Variants in IQSEC1 observed in about 807,000 individuals in gnomAD.
IQSEC1 encodes IQ motif and Sec7 domain ArfGEF 1.
A neutral mutation model predicts 91.0 loss-of-function variants in IQSEC1; 31 were observed. The observed-to-expected ratio is 0.34, with a 90% CI of 0.26 to 0.46. The LOEUF is 0.46. Ranked by LOEUF, IQSEC1 falls within the 20% of genes least tolerant of loss-of-function variation. The probability of loss-of-function intolerance (pLI) is 1.00; values close to 1 mark genes in which losing one functional copy is unlikely to be tolerated. For missense variants in IQSEC1, 1,388 were observed against 1,575.6 expected, an observed-to-expected ratio of 0.88 and a Z score of 2.02; for synonymous variants, 699 against 662.6, an observed-to-expected ratio of 1.05 and a Z score of -0.84.
At chr3:13,070,846 G>C (rs921520234) in intron 1 of IQSEC1, among the ~76,000 whole-genome samples, 1 of 152,212 alleles carries the variant, frequency 6.6e-6, no homozygotes, top group Non-Finnish European at 1.5e-5. Flanking sequence ...AAGGCTAGAC[G>C]AGCTTATTCC....
chr3:13,201,465 G>A (rs1260075184), intron 1 of IQSEC1, among the ~76,000 whole-genome samples: 4 of 152,164 alleles, frequency 2.6e-5, no homozygotes, highest in Admixed American at 2.6e-4. Context: ...TGACTAGCTG[G>A]AACTATAGTT....
intron 1 of IQSEC1, among the ~76,000 whole-genome samples, chr3:13,250,267 G>A (rs1356930238): frequency 6.6e-6 from 1 of 152,176 alleles, no homozygotes; most frequent in African/African-American, 2.4e-5. Context: ...CGAGATAGCT[G>A]AGGCTCAGCG....
chr3:13,278,078 C>T lies in IQSEC1; in HGVS notation c.272+4633G>A, dbSNP rs149173316. 4.7e-3 allele frequency among the ~76,000 whole-genome samples: 723 copies of T among 152,304 alleles called. 4 individuals carry two copies. Among genetic ancestry groups the T allele is most frequent in the African/African-American group, 0.016 (672 of 41,544 alleles). On this transcript the variant is annotated intron_variant, in intron 1 of 15. Coordinates refer to the IQSEC1 transcript ENST00000648114. Reference sequence around the variant, plus strand: ...GCCGTACGGTTAATGTCACCATGAACCCGGCAAGAATACTGGTTTGGTAAA... The same window carrying T: ...GCCGTACGGTTAATGTCACCATGAATCCGGCAAGAATACTGGTTTGGTAAA...
intron 1 of IQSEC1, among the ~76,000 whole-genome samples, chr3:13,016,395 C>T (rs370673966): frequency 3.3e-5 from 5 of 152,266 alleles, no homozygotes; most frequent in African/African-American, 7.2e-5. Context: ...CTGCCCCCAA[C>T]GCCCCACCAC....
At chr3:12,978,715 AT>A (rs201190915) in intron 1 of IQSEC1, among the ~76,000 whole-genome samples, 13,787 of 145,740 alleles carry the variant, frequency 0.095, 1,806 homozygotes, top group African/African-American at 0.3. Flanking sequence ...AAAAAAAAAA[AT>A]AAATAAATAA....
Position 12,901,454 on chromosome 3 carries a change from T to G in IQSEC1, c.2874A>C (p.Pro958=). 1.3e-6 allele frequency: 2 copies of G among 1,549,204 alleles called. No individual in the cohort carries two copies. The highest frequency in any genetic ancestry group is 1.7e-6 in the Non-Finnish European group (2 of 1,146,828). Residue 958 remains proline, a synonymous_variant, in exon 14 of 14, where the codon CCA becomes CCC. Coordinates refer to ENST00000613206, the MANE Select transcript of IQSEC1 (RefSeq NM_001134382.3). The part of the protein sequence containing the change: ...ATSTRECPSR[P]HQTMPNSSSL... The stretch of plus-strand genomic sequence containing the variant: ...AAGATGAGTTGGGCATAGTCTGGTG[T>G]GGGCGAGATGGACACTCTCGTGTTG...
intron 1 of IQSEC1, among the ~76,000 whole-genome samples, chr3:12,950,488 A>G (rs1296545071): frequency 6.6e-6 from 1 of 152,104 alleles, no homozygotes; most frequent in Non-Finnish European, 1.5e-5. Flanking sequence ...GAAACGTAGC[A>G]AGACCCTGTC....
chr3:12,977,657 A>G (rs1258237965), intron 1 of IQSEC1, among the ~76,000 whole-genome samples: 3 of 152,234 alleles, frequency 2.0e-5, no homozygotes, highest in Admixed American at 2.0e-4. Context: ...ACAGCTACCA[A>G]GGGAATGCAG....
intron 2 of IQSEC1, among the ~76,000 whole-genome samples, chr3:12,939,261 C>CCTCA (rs943861278): frequency 6.6e-6 from 1 of 152,228 alleles, no homozygotes; most frequent in African/African-American, 2.4e-5. Flanking sequence ...CCCATCCGGC[C>CCTCA]CTCACTTGTC....
intron 6 of IQSEC1, among the ~76,000 whole-genome samples, chr3:12,920,122 C>T (rs1171242777): frequency 6.6e-6 from 1 of 152,214 alleles, no homozygotes; most frequent in Non-Finnish European, 1.5e-5. Context: ...GGTAAAGACA[C>T]AAAGAAAAAG....
chr3:13,154,454 T>TACACACATAC (rs1559265503), intron 2 of IQSEC1, among the ~76,000 whole-genome samples: 614 of 52,724 alleles, frequency 0.012, 136 homozygotes, highest in African/African-American at 0.049. Context: ...TATATATATA[T>TACACACATAC]ATATATATAT....
rs1198348327 is a variant in IQSEC1, at chr3:12,991,957, G to A, written c.24-50092C>T. 2.6e-5 allele frequency among the ~76,000 whole-genome samples: 4 copies of A among 152,146 alleles called. No individual in the cohort carries two copies. The East Asian group carries it at 7.7e-4, about 29-fold the overall frequency. On this transcript the variant is annotated intron_variant, in intron 1 of 13. Transcript: ENST00000613206. Reference sequence around the variant, plus strand: ...GGGCCCTTTAAGCAGCCTTGAAAGAGAGTGGCAACTCCAGTCATGAGACCC... The same window carrying A: ...GGGCCCTTTAAGCAGCCTTGAAAGAAAGTGGCAACTCCAGTCATGAGACCC...
intron 1 of IQSEC1, among the ~76,000 whole-genome samples, chr3:13,172,350 CAA>C (rs2125002636): frequency 6.6e-6 from 1 of 152,168 alleles, no homozygotes; most frequent in African/African-American, 2.4e-5. Flanking sequence ...TTGAATGAAG[CAA>C]AGAGGTGAGA....
chr3:13,214,392 C>A lies in IQSEC1; in HGVS notation c.273-50259G>T, dbSNP rs1042524341. On this transcript the variant is annotated intron_variant, in intron 1 of 15. Transcript: ENST00000648114. This position sits in a 1 kb window ranked among gnomAD's most constrained non-coding sequence, Gnocchi z 4.5. ...CACCCCGTCCCACAGCCAGCACAGG[C>A]AGGCACACGGCAGGGCTGCAGCAAG... Among the ~76,000 whole-genome samples the A allele has an allele frequency of 2.6e-5, 4 of 152,284 alleles. No homozygotes were observed. The highest frequency in any genetic ancestry group is 7.2e-5 in the African/African-American group (3 of 41,482).
chr3:12,916,447 G>C (rs535699327), intron 6 of IQSEC1, among the ~76,000 whole-genome samples: 1 of 152,362 alleles, frequency 6.6e-6, no homozygotes, highest in East Asian at 1.9e-4. Context: ...TGTGAGCAGA[G>C]AAACAGCCTT....
Position 12,984,715 on chromosome 3 carries a change from A to T in IQSEC1, c.24-42850T>A, listed in dbSNP as rs528869330. Among the ~76,000 whole-genome samples, 30 of 152,126 alleles carry T rather than the reference A, an allele frequency of 2.0e-4. No homozygotes were observed. In the South Asian group the frequency reaches 6.0e-3, roughly 31 times the overall value. ...ACATGGACAAAGATAAGTCGCTTAC[A>T]GGTCCAGAAGTCACAAGATCAAGAG... On this transcript the variant is annotated intron_variant, in intron 1 of 13. Coordinates refer to ENST00000613206, the MANE Select transcript of IQSEC1 (RefSeq NM_001134382.3).
Position 13,015,490 on chromosome 3 carries a change from C to T in IQSEC1, c.23+57502G>A, listed in dbSNP as rs893857167. On this transcript the variant is annotated intron_variant, in intron 1 of 13. Coordinates refer to ENST00000613206, the MANE Select transcript of IQSEC1 (RefSeq NM_001134382.3). ...ACGACAGCCCCCAAGACCCTCACCA[C>T]GGCAGGCTGCCCTGACAGTCGCCAG... is the stretch of plus-strand genomic sequence containing the variant. The T allele has an allele frequency of 5.7e-6, 5 of 875,696 alleles. No individual in the cohort carries two copies. In the East Asian group the frequency reaches 3.6e-4, roughly 63 times the overall value. The allele number at this position is 875,696 out of a possible 1,614,324, so 54.2% of individuals were successfully genotyped here.
In IQSEC1 at chr3:12,950,683, C is replaced by T. The variant is rs1351294152; in HGVS notation, c.24-8818G>A. The stretch of plus-strand genomic sequence containing the variant: ...TTTGATACGGAGTCTCACTCTGTTG[C>T]CCAGGCTGGAGTGCAGTGGCGTGAT... On this transcript the variant is annotated intron_variant, in intron 1 of 13. Coordinates refer to ENST00000613206, the MANE Select transcript of IQSEC1 (RefSeq NM_001134382.3). Among the ~76,000 whole-genome samples, 2 of 151,126 alleles carry T rather than the reference C, an allele frequency of 1.3e-5. 1 individual carries two copies. Among genetic ancestry groups the T allele is most frequent in the Middle Eastern group, 6.8e-3 (2 of 294 alleles).
chr3:13,249,971 G>A lies in IQSEC1; in HGVS notation c.272+32740C>T, dbSNP rs547348463. 7.2e-5 allele frequency among the ~76,000 whole-genome samples: 11 copies of A among 152,332 alleles called. No homozygotes were observed. The South Asian group carries it at 2.3e-3, about 32-fold the overall frequency. ...TCAGTTTCCCCACCTGTGAGGTGAG[G>A]GCCCGTCAGCTCCATTGCTGCCTGT... On this transcript the variant is annotated intron_variant, in intron 1 of 15. Transcript: ENST00000648114.
Sources: gnomAD v4.1 joint callset for allele counts (sites outside exome capture counted in the v4.1 genomes callset) on GRCh38, gnomAD v4.1.1 for gene constraint, Gnocchi (gnomAD v3.1) non-coding constraint, MANE v1.5 for transcripts, NCBI Gene and HGNC (gene_info 2026-07-23, HGNC 2026-07-21) for gene names.